SPAG16: variants seen among roughly 807,000 people sequenced by gnomAD.
The protein encoded by SPAG16 is sperm associated antigen 16.
In SPAG16, 86 loss-of-function variants were observed where a neutral mutation model predicts 80.4. That is an observed-to-expected ratio of 1.07 (90% confidence interval 0.90 to 1.28). SPAG16 has a LOEUF of 1.28. Among genes scored for constraint, SPAG16 ranks in the 50% most tolerant of loss-of-function variants. SPAG16 has a pLI of 0.00. For missense variants in SPAG16, 870 were observed against 765.3 expected, an observed-to-expected ratio of 1.14 and a Z score of -1.61; for synonymous variants, 294 against 265.9, an observed-to-expected ratio of 1.11 and a Z score of -1.03.
chr2:213,619,817 A>G (rs2061711021), intron 10 of SPAG16, among the ~76,000 whole-genome samples: 1 of 152,198 alleles, frequency 6.6e-6, no homozygotes, highest in Admixed American at 6.5e-5. Context: ...CTGGATATTT[A>G]TCCAAAGGAA....
At chr2:214,073,926 C>G (rs1266157759) in intron 13 of SPAG16, among the ~76,000 whole-genome samples, 1 of 152,180 alleles carries the variant, frequency 6.6e-6, no homozygotes, top group Non-Finnish European at 1.5e-5. Context: ...AGAAGTTACA[C>G]TGTAATTGCA....
chr2:213,424,490 A>T (rs1299928930), intron 9 of SPAG16, among the ~76,000 whole-genome samples: 1 of 152,208 alleles, frequency 6.6e-6, no homozygotes, highest in Non-Finnish European at 1.5e-5. Context: ...ACTCTCAATT[A>T]GTAAAAATGA....
intron 15 of SPAG16, among the ~76,000 whole-genome samples, chr2:214,373,703 T>TTTAA (rs1042020617): frequency 2.6e-5 from 4 of 152,182 alleles, no homozygotes; most frequent in African/African-American, 9.7e-5. Context: ...AGAGGCCTTC[T>TTTAA]TTAATAAAGA....
chr2:214,124,364 G>A (rs926333669), intron 14 of SPAG16, among the ~76,000 whole-genome samples: 3 of 151,686 alleles, frequency 2.0e-5, no homozygotes, highest in East Asian at 1.9e-4. Flanking sequence ...TTCACAGTAC[G>A]AAATTGTTCT....
chr2:213,626,365 T>G (rs1217112838), intron 10 of SPAG16, among the ~76,000 whole-genome samples: 1 of 151,926 alleles, frequency 6.6e-6, no homozygotes, highest in African/African-American at 2.4e-5. Flanking sequence ...AATACCCGGA[T>G]TTTTAGGGGA....
chr2:213,445,699 G>A (rs1352041473), intron 9 of SPAG16, among the ~76,000 whole-genome samples: 1 of 152,074 alleles, frequency 6.6e-6, no homozygotes, highest in Admixed American at 6.6e-5. Flanking sequence ...GTGAAAAAAT[G>A]CTCAACATCA....
At chr2:213,342,352 A>G (rs199935802) in intron 6 of SPAG16, among the ~76,000 whole-genome samples, 1,303 of 56,894 alleles carry the variant, frequency 0.023, 22 homozygotes, top group African/African-American at 0.063. Context: ...ACATATATGT[A>G]TATATATATT....
chr2:213,993,767 T>A (rs781167866), intron 12 of SPAG16, among the ~76,000 whole-genome samples: 1 of 152,216 alleles, frequency 6.6e-6, no homozygotes, highest in Admixed American at 6.5e-5. Flanking sequence ...TTTAAATTCT[T>A]GACATGAATA....
At chr2:213,997,538 A>C (rs2046582054) in intron 12 of SPAG16, among the ~76,000 whole-genome samples, 1 of 152,196 alleles carries the variant, frequency 6.6e-6, no homozygotes, top group Non-Finnish European at 1.5e-5. Flanking sequence ...CTGTGGCAAA[A>C]CTGAAGGTCC....
chr2:214,015,555 G>T (rs1159584168), intron 13 of SPAG16, among the ~76,000 whole-genome samples: 1 of 150,956 alleles, frequency 6.6e-6, no homozygotes, highest in Non-Finnish European at 1.5e-5. Context: ...CCGAAATCAT[G>T]CCATTGCACT....
intron 15 of SPAG16, among the ~76,000 whole-genome samples, chr2:214,185,259 T>C (rs1217016377): frequency 1.3e-5 from 2 of 152,086 alleles, no homozygotes; most frequent in South Asian, 4.1e-4. Context: ...AAGGTTATTA[T>C]ATGCATAAAA....
At chr2:214,147,598 C>A (rs189468896) in intron 14 of SPAG16, among the ~76,000 whole-genome samples, 114 of 152,262 alleles carry the variant, frequency 7.5e-4, no homozygotes, top group African/African-American at 2.6e-3. Flanking sequence ...CATTAATATT[C>A]CTTGCCGATA....
chr2:213,831,171 C>T (rs917060337), intron 10 of SPAG16, among the ~76,000 whole-genome samples: 1 of 151,038 alleles, frequency 6.6e-6, no homozygotes, highest in African/African-American at 2.4e-5. Context: ...TCCCGAGTAG[C>T]TGGGATTACA....
intron 13 of SPAG16, among the ~76,000 whole-genome samples, chr2:214,048,302 C>T (rs917627750): frequency 3.3e-5 from 5 of 152,020 alleles, no homozygotes; most frequent in African/African-American, 7.2e-5. Flanking sequence ...AAGTGCCCAT[C>T]GACACTTAGG....
intron 10 of SPAG16, among the ~76,000 whole-genome samples, chr2:213,536,368 G>A (rs1011051276): frequency 6.6e-6 from 1 of 152,066 alleles, no homozygotes; most frequent in Non-Finnish European, 1.5e-5. Context: ...TGGGTCAAAT[G>A]GTATTTCTAA....
intron 7 of SPAG16, among the ~76,000 whole-genome samples, chr2:213,358,363 G>A (rs1179397757): frequency 2.0e-5 from 3 of 152,066 alleles, no homozygotes; most frequent in Non-Finnish European, 4.4e-5. Flanking sequence ...TTCTAACTTG[G>A]TTCCATTCTC....
At chr2:213,485,019 C>T (rs12464836) in intron 9 of SPAG16, among the ~76,000 whole-genome samples, 8 of 150,466 alleles carry the variant, frequency 5.3e-5, no homozygotes, top group Non-Finnish European at 1.0e-4. Context: ...TTTGAGACAG[C>T]GTCTCATTCT....
intron 15 of SPAG16, among the ~76,000 whole-genome samples, chr2:214,200,623 A>G (rs2057982837): frequency 6.6e-6 from 1 of 152,100 alleles, no homozygotes; most frequent in Non-Finnish European, 1.5e-5. Context: ...CAGTGTGCTG[A>G]GATTGCACCA....
At chr2:213,337,062 C>A (rs1037825389) in intron 5 of SPAG16, among the ~76,000 whole-genome samples, 5 of 152,256 alleles carry the variant, frequency 3.3e-5, no homozygotes, top group African/African-American at 1.2e-4. Context: ...GCTGGTGATA[C>A]CTCCAGGGGT....
Sources: gnomAD v4.1 joint callset for allele counts (sites outside exome capture counted in the v4.1 genomes callset) on GRCh38, gnomAD v4.1.1 for gene constraint, MANE v1.5 for transcripts, NCBI Gene and HGNC (gene_info 2026-07-23, HGNC 2026-07-21) for gene names.